The following POLE variants were observed in gnomAD, a reference collection of about 807,000 sequenced individuals.
POLE encodes DNA polymerase epsilon, catalytic subunit.
POLE carries 188 observed loss-of-function variants against 279.2 expected under a neutral mutation model. The ratio of observed to expected loss-of-function variants is 0.67; its 90% CI spans 0.60 to 0.76. The LOEUF (loss-of-function observed/expected upper bound fraction) is 0.76, where lower values mean the gene tolerates loss of function less well. POLE is among the 30% of genes least tolerant of loss of function. POLE has a pLI of 0.00. For synonymous variants in POLE, 1,214 were observed against 1,172.5 expected (o/e 1.04, Z -0.72); for missense variants, 2,703 against 3,016.7 (o/e 0.90, Z 2.44).
At chr12:132,679,707 G>A (rs2136028042) in intron 5 of POLE, 56 bp from the exon 6 acceptor site, 4 of 1,564,366 alleles carry the variant, frequency 2.6e-6, no homozygotes, top group Non-Finnish European at 2.6e-6. Context: ...CTTTATGGGT[G>A]AGAGGGTAAA....
rs1166189035 is a variant in POLE, at chr12:132,677,625, C to T, written c.673G>A (p.Asp225Asn). The T allele has an allele frequency of 1.9e-6, 3 of 1,614,190 alleles. No individual in the cohort carries two copies. The highest frequency in any genetic ancestry group is 1.7e-5 in the Admixed American group (1 of 60,020). Residue 225 changes from aspartate (D) to asparagine (N), a missense_variant, in exon 7 of 49, where the codon GAT becomes AAT. Physicochemically the swap from Asp to Asn is conservative, Grantham distance 23. Transcript: ENST00000320574. ...LDNIVDMREY[D>N]VPYHIRLSID... Reference sequence around the variant, plus strand: ...GAGAGGCGGATGTGGTAGGGAACATCGTACTCGCGCATGTCCACAATGTTG... The same window carrying T: ...GAGAGGCGGATGTGGTAGGGAACATTGTACTCGCGCATGTCCACAATGTTG...
chr12:132,682,130 T>C (rs1331224176), intron 1 of POLE, among the ~76,000 whole-genome samples: 1 of 151,940 alleles, frequency 6.6e-6, no homozygotes, highest in Non-Finnish European at 1.5e-5. Flanking sequence ...CCGTCTTTAC[T>C]AAAAATACAA....
In POLE at chr12:132,641,714, T is replaced by C. The variant is rs2042146580; in HGVS notation, c.5311A>G (p.Thr1771Ala). Reference protein sequence around the residue: ...IQQASLEDMITGGQAASAPAS... With the variant: ...IQQASLEDMIAGGQAASAPAS... ...GGGGCACTGGCAGCCTGACCACCCG[T>C]GATCATGTCCTCCAGGGAGGCCTGC... The change falls in exon 39 of 49, where the codon ACG (threonine) becomes GCG (alanine). Residue 1771 changes from threonine to alanine, a missense_variant. This residue lies in a region of POLE where 1,551 missense variants were observed against 1,686.1 expected (regional missense o/e 0.92). Coordinates refer to ENST00000320574, the MANE Select transcript of POLE (RefSeq NM_006231.4). The C allele has an allele frequency of 6.2e-7, 1 of 1,613,530 alleles. No individual in the cohort carries two copies. The highest frequency in any genetic ancestry group is 1.3e-5 in the African/African-American group (1 of 74,934).
rs1593734310 is a variant in POLE at position 132,643,395 on chromosome 12, T to C, written c.4444+12A>G. The C allele has an allele frequency of 6.2e-7, 1 of 1,614,076 alleles. No homozygotes were observed. Among genetic ancestry groups the C allele is most frequent in the African/African-American group, 1.3e-5 (1 of 74,944 alleles). On this transcript the variant is annotated intron_variant, in intron 34 of 48. Coordinates refer to ENST00000320574, the MANE Select transcript of POLE (RefSeq NM_006231.4). ...AGGCAGGCACATGATGGGCGGCTGGTGCAGGCCATACCTGGTTCCAGGTAG... is the reference window on the plus strand; with the variant it reads ...AGGCAGGCACATGATGGGCGGCTGGCGCAGGCCATACCTGGTTCCAGGTAG...
intron 23 of POLE, among the ~76,000 whole-genome samples, chr12:132,663,312 G>A (rs1296938933): frequency 6.6e-6 from 1 of 152,228 alleles, no homozygotes; most frequent in East Asian, 1.9e-4. Context: ...TCAGGCAGGA[G>A]ACTAAGCCGT....
chr12:132,624,162 T>C lies in POLE; in HGVS notation c.*535A>G, dbSNP rs14302. The C allele has an allele frequency of 0.66, 142,272 of 216,668 alleles. 48,033 individuals carry two copies. The highest frequency in any genetic ancestry group is 0.81 in the African/African-American group (35,629 of 44,128). The allele number at this position is 216,668 out of a possible 1,614,324, so 13.4% of individuals were successfully genotyped here. On this transcript the variant is annotated 3_prime_UTR_variant, in exon 49 of 49. Coordinates refer to ENST00000320574, the MANE Select transcript of POLE (RefSeq NM_006231.4). ...TCTCACGGGTTAGGGTCTGGATTCC[T>C]GGGGAAACCAGCCCACAAACTGCTC... is the stretch of plus-strand genomic sequence containing the variant.
rs2042842669 is a variant in POLE at position 132,668,370 on chromosome 12, T to C, written c.2159A>G (p.Lys720Arg). Residue 720 changes from lysine (K) to arginine (R), a missense_variant, in exon 19 of 49, where the codon AAG becomes AGG. Transcript: ENST00000320574. The surrounding 1 kb of genome is among the most constrained non-coding windows in gnomAD (Gnocchi z 4.0). ...LSREEQAKYE[K>R]RRLADYCRKA... ...CAGGCACTCACCCGCCAGCCTTCTC[T>C]TCTCGTATTTCGCCTGTTCCTCGCG... 6.3e-7 allele frequency: 1 copy of C among 1,582,110 alleles called. No homozygotes were observed. The highest frequency in any genetic ancestry group is 1.4e-5 in the African/African-American group (1 of 73,692).
At chr12:132,678,185 T>C (rs1021179715) in intron 6 of POLE, among the ~76,000 whole-genome samples, 13 of 135,776 alleles carry the variant, frequency 9.6e-5, no homozygotes, top group Admixed American at 5.8e-4. Flanking sequence ...CTCAAAAAAA[T>C]AAAGAATAGC....
intron 25 of POLE, 53 bp downstream of exon 25, chr12:132,660,916 T>G: frequency 2.1e-6 from 3 of 1,452,964 alleles, no homozygotes; most frequent in Non-Finnish European, 2.8e-6. Context: ...GGTCCCCTTC[T>G]TGCTTCATCC....
intron 40 of POLE, 113 bp from the exon 41 acceptor site, chr12:132,638,252 C>A: frequency 2.3e-6 from 2 of 853,630 alleles, no homozygotes. Context: ...AGAAAAGCCT[C>A]CGAGATACAC....
At chr12:132,672,369 A>G (rs772779097) in intron 15 of POLE, 47 bp from the exon 16 acceptor site, 52 of 1,462,272 alleles carry the variant, frequency 3.6e-5, no homozygotes, top group Middle Eastern at 1.9e-4. Flanking sequence ...ACACACCCAC[A>G]CTAGCCTGCC....
rs769834031 is a variant in POLE, at chr12:132,665,459, C to A, written c.2320-9G>T. The A allele has an allele frequency of 6.2e-7, 1 of 1,604,228 alleles. No individual in the cohort carries two copies. Among genetic ancestry groups the A allele is most frequent in the Non-Finnish European group, 8.5e-7 (1 of 1,175,716 alleles). On this transcript the variant is annotated splice_polypyrimidine_tract_variant and intron_variant, in intron 20 of 48. Transcript: ENST00000320574. The stretch of plus-strand genomic sequence containing the variant: ...AGCTTCTTTTTCCACACCTGAGAAG[C>A]ACATGAACATGGAGCACCTCACAGA...
At position 132,687,316 on chromosome 12, in the gene POLE, G is replaced by A. The variant is rs1565986723; in HGVS notation, c.-1C>T. 4.0e-6 allele frequency: 6 copies of A among 1,500,680 alleles called. No homozygotes were observed. The highest frequency in any genetic ancestry group is 2.7e-5 in the East Asian group (1 of 37,094). 93.0% of individuals were successfully genotyped at this position (1,500,680 alleles called of 1,614,324 possible). A position where few individuals can be genotyped will look rare whatever the true frequency, so the allele number is the denominator to read the frequency against. On this transcript the variant is annotated 5_prime_UTR_variant, in exon 1 of 49. Coordinates refer to ENST00000320574, the MANE Select transcript of POLE (RefSeq NM_006231.4). Reference sequence around the variant, plus strand: ...GCCGCCCGCCGCTCCTCAGAGACATGGAGCCGTTGGCTACCACCTCTGCTT... The same window carrying A: ...GCCGCCCGCCGCTCCTCAGAGACATAGAGCCGTTGGCTACCACCTCTGCTT...
chr12:132,652,329 T>A (rs559851220), intron 29 of POLE, among the ~76,000 whole-genome samples: 3,016 of 149,682 alleles, frequency 0.02, 51 homozygotes, highest in East Asian at 0.027. Context: ...TTTTTTTTTT[T>A]TTTTTTTTAA....
chr12:132,676,601 A>G lies in POLE; in HGVS notation c.854T>C (p.Phe285Ser). ...DIETTKLPLK[F>S]PDAETDQIMM... ...AATCTGGTCTGTCTCAGCATCAGGA[A>G]ACTTGAGGGGCAGTTTGGTCGTCTC... Residue 285 changes from phenylalanine (F) to serine (S), a missense_variant, in exon 9 of 49, where the codon TTT becomes TCT. Phe to Ser is a radical substitution (Grantham distance 155). This residue lies in a region of POLE where 1,011 missense variants were observed against 1,111.7 expected (regional missense o/e 0.91). Coordinates refer to ENST00000320574, the MANE Select transcript of POLE (RefSeq NM_006231.4). 6.2e-7 allele frequency: 1 copy of G among 1,614,036 alleles called. No individual in the cohort carries two copies. Among genetic ancestry groups the G allele is most frequent in the Non-Finnish European group, 8.5e-7 (1 of 1,179,916 alleles).
chr12:132,659,257 A>AGGAGCCCTCACCTCTCCGTGATGGGG lies in POLE; in HGVS notation c.3275+12_3275+37dup, dbSNP rs1057517627. 328 of 1,578,996 alleles carry AGGAGCCCTCACCTCTCCGTGATGGGG rather than the reference A, an allele frequency of 2.1e-4. 1 individual carries two copies. The African/African-American group carries it at 3.3e-3, about 16-fold the overall frequency. On this transcript the variant is annotated intron_variant, in intron 26 of 48. Coordinates refer to ENST00000320574, the MANE Select transcript of POLE (RefSeq NM_006231.4). Reference sequence around the variant, plus strand: ...GGAGCCCTCACCTGTCCGTGATGGGAGGAGCCCTCACCTCTCCGTGATGGG... The same window carrying AGGAGCCCTCACCTCTCCGTGATGGGG: ...GGAGCCCTCACCTGTCCGTGATGGGAGGAGCCCTCACCTCTCCGTGATGGGGGGAGCCCTCACCTCTCCGTGATGGG...
intron 45 of POLE, among the ~76,000 whole-genome samples, chr12:132,630,333 T>A (rs1298025377): frequency 6.6e-6 from 1 of 152,104 alleles, no homozygotes; most frequent in Non-Finnish European, 1.5e-5. Flanking sequence ...CAATCAGATA[T>A]CCCATGCAGA....
chr12:132,667,733 G>C (rs2135972164), intron 19 of POLE, 85 bp from the exon 20 acceptor site: 4 of 1,398,394 alleles, frequency 2.9e-6, no homozygotes, highest in Non-Finnish European at 4.0e-6. Flanking sequence ...TGAAGAACAT[G>C]GCTTCTACGT....
chr12:132,669,263 G>A (rs778684371), intron 16 of POLE, among the ~76,000 whole-genome samples: 34 of 151,960 alleles, frequency 2.2e-4, no homozygotes, highest in Non-Finnish European at 3.8e-4. Context: ...CCAGGAGTTC[G>A]AGACCAGCCT....
Sources: allele counts gnomAD v4.1 joint callset (sites outside exome capture counted in the v4.1 genomes callset), GRCh38; gene constraint gnomAD v4.1.1; regional missense constraint gnomAD v4.1.1; non-coding constraint Gnocchi (gnomAD v3.1); transcripts MANE v1.5; gene names NCBI Gene and HGNC (gene_info 2026-07-23, HGNC 2026-07-21).